SNX29: variants seen among roughly 807,000 people sequenced by gnomAD.
SNX29 encodes the protein sorting nexin-29.
In SNX29, 78 loss-of-function variants were observed where a neutral mutation model predicts 102.1. The observed-to-expected ratio is 0.76, with a 90% confidence interval of 0.64 to 0.92. The LOEUF is 0.92. SNX29 is among the 40% of genes least tolerant of loss of function. The probability of loss-of-function intolerance (pLI) is 0.00; values close to 1 mark genes in which losing one functional copy is unlikely to be tolerated. For missense variants in SNX29, 1,280 were observed against 1,061.7 expected (o/e 1.21, Z -2.86); for synonymous variants, 580 against 414.5 (o/e 1.40, Z -4.85).
At chr16:12,141,666 C>T (rs570875082) in intron 13 of SNX29, among the ~76,000 whole-genome samples, 34 of 152,338 alleles carry the variant, frequency 2.2e-4, no homozygotes, top group African/African-American at 7.7e-4. Flanking sequence ...ACGGACATTG[C>T]CGTGGCATTT....
At chr16:12,151,726 T>TTTTG (rs780207516) in intron 13 of SNX29, among the ~76,000 whole-genome samples, 1 of 152,190 alleles carries the variant, frequency 6.6e-6, no homozygotes, top group East Asian at 1.9e-4. Context: ...ATTTGTGTTT[T>TTTTG]TTTGTTTGTT....
chr16:12,101,020 C>T (rs988420321), intron 11 of SNX29, among the ~76,000 whole-genome samples: 32 of 152,274 alleles, frequency 2.1e-4, no homozygotes, highest in Admixed American at 1.3e-3. Context: ...TGGCCCATCT[C>T]TTCTCAATTC....
At chr16:11,990,037 C>A (rs1276889504) in intron 1 of SNX29, among the ~76,000 whole-genome samples, 1 of 152,170 alleles carries the variant, frequency 6.6e-6, no homozygotes, top group Non-Finnish European at 1.5e-5. Flanking sequence ...CTGAGCTGTT[C>A]CTTGGGTAAA....
chr16:12,004,448 T>G (rs2056389493), intron 3 of SNX29, among the ~76,000 whole-genome samples: 1 of 152,078 alleles, frequency 6.6e-6, no homozygotes, highest in South Asian at 2.1e-4. Flanking sequence ...CACATAGGGC[T>G]TGGTAAAGGT....
intron 16 of SNX29, among the ~76,000 whole-genome samples, chr16:12,392,889 C>T (rs114293211): frequency 6.6e-6 from 1 of 152,332 alleles, no homozygotes; most frequent in African/African-American, 2.4e-5. Context: ...GCGTGGATAG[C>T]CCAGGCTGAC....
intron 20 of SNX29, chr16:12,561,063 G>A (rs541388111): frequency 4.5e-6 from 1 of 224,396 alleles, no homozygotes; most frequent in East Asian, 6.4e-5. Context: ...AGGAGGTAAA[G>A]GCCTTGATGG....
At chr16:11,982,798 C>G (rs759270360) in intron 1 of SNX29, among the ~76,000 whole-genome samples, 6 of 152,082 alleles carry the variant, frequency 3.9e-5, no homozygotes, top group Non-Finnish European at 8.8e-5. Flanking sequence ...AGTGATCAAA[C>G]AATTTGTGTA....
intron 9 of SNX29, among the ~76,000 whole-genome samples, chr16:12,067,578 T>C (rs1323587489): frequency 6.6e-6 from 1 of 152,176 alleles, no homozygotes; most frequent in African/African-American, 2.4e-5. Context: ...ACCTCCACCT[T>C]CTGGGTTCAA....
At chr16:12,195,419 C>T (rs1215799843) in intron 13 of SNX29, among the ~76,000 whole-genome samples, 1 of 152,194 alleles carries the variant, frequency 6.6e-6, no homozygotes, top group East Asian at 1.9e-4. Context: ...CAGAAGGTTA[C>T]AGTTCTTGAA....
At position 12,573,144 on chromosome 16, in the gene SNX29, C is replaced by T. The variant is rs1255438221; in HGVS notation, c.*4515C>T. ...TCTTGATCTTGTTTCCAAAATAAAG[C>T]TTCAGCTCCTTGGTCAATAGAAGTA... On this transcript the variant is annotated 3_prime_UTR_variant, in exon 21 of 21. Transcript: ENST00000566228. 2 of 226,290 alleles carry T rather than the reference C, an allele frequency of 8.8e-6. No individual in the cohort carries two copies. The highest frequency in any genetic ancestry group is 1.8e-4 in the South Asian group (1 of 5,476). The allele number at this position is 226,290 out of a possible 1,614,324, so 14.0% of individuals were successfully genotyped here.
intron 14 of SNX29, among the ~76,000 whole-genome samples, chr16:12,244,498 G>GTA (rs2078204287): frequency 6.6e-6 from 1 of 151,986 alleles, no homozygotes. Flanking sequence ...AATCCCAGCT[G>GTA]CTCTGGAGGC....
chr16:12,168,238 C>T lies in SNX29; in HGVS notation c.1596-31363C>T, dbSNP rs556044413. ...TGGAGGGCGGGGATCCAGGCAGTTT[C>T]GCTGGTGGAAGTGACATTTGAGCAG... On this transcript the variant is annotated intron_variant, in intron 13 of 20. Coordinates refer to ENST00000566228, the MANE Select transcript of SNX29 (RefSeq NM_032167.5). Among the ~76,000 whole-genome samples, 9 of 152,196 alleles carry T rather than the reference C, an allele frequency of 5.9e-5. No individual in the cohort carries two copies. The East Asian group carries it at 1.4e-3, about 23-fold the overall frequency.
intron 4 of SNX29, 144 bp downstream of exon 4, chr16:12,027,588 T>C (rs2151118372): frequency 6.4e-6 from 6 of 943,596 alleles, no homozygotes; most frequent in Middle Eastern, 3.5e-4. Flanking sequence ...CATGTCTTAA[T>C]AGTAGTCAAA....
At chr16:12,195,787 C>G (rs1211954226) in intron 13 of SNX29, among the ~76,000 whole-genome samples, 2 of 152,146 alleles carry the variant, frequency 1.3e-5, no homozygotes, top group African/African-American at 2.4e-5. Flanking sequence ...CTCTGGGCCT[C>G]AAATTTCTCA....
At chr16:12,167,491 C>G (rs941413639) in intron 13 of SNX29, among the ~76,000 whole-genome samples, 1 of 152,186 alleles carries the variant, frequency 6.6e-6, no homozygotes, top group Non-Finnish European at 1.5e-5. Flanking sequence ...ACCACCACCA[C>G]CATCATCAAT....
intron 15 of SNX29, among the ~76,000 whole-genome samples, chr16:12,318,599 G>A (rs1434201749): frequency 6.6e-6 from 1 of 152,168 alleles, no homozygotes; most frequent in Non-Finnish European, 1.5e-5. Context: ...CTGGCTGGAC[G>A]CGGTGGCTTA....
At chr16:12,558,709 C>G (rs899364077) in intron 20 of SNX29, among the ~76,000 whole-genome samples, 2 of 152,130 alleles carry the variant, frequency 1.3e-5, no homozygotes, top group African/African-American at 2.4e-5. Flanking sequence ...CATCCCGTTT[C>G]TACGGGGGGC....
chr16:12,343,025 T>C (rs1223541235), intron 15 of SNX29, among the ~76,000 whole-genome samples: 1 of 152,250 alleles, frequency 6.6e-6, no homozygotes, highest in East Asian at 1.9e-4. Flanking sequence ...TTGATGCTCA[T>C]AAAATTTAAT....
At chr16:12,551,961 C>G (rs1290532542) in intron 20 of SNX29, among the ~76,000 whole-genome samples, 3 of 152,192 alleles carry the variant, frequency 2.0e-5, no homozygotes, top group African/African-American at 4.8e-5. Context: ...CCCAGCCAGG[C>G]TGTGCCCAAC....
Sources: gnomAD v4.1 joint callset for allele counts (sites outside exome capture counted in the v4.1 genomes callset) on GRCh38, gnomAD v4.1.1 for gene constraint, MANE v1.5 for transcripts, NCBI Gene and HGNC (gene_info 2026-07-23, HGNC 2026-07-21) for gene names.